The following CD8A variants were observed in gnomAD, a reference collection of about 807,000 sequenced individuals.
CD8A encodes the protein T-cell surface glycoprotein CD8 alpha chain.
CD8A carries 25 observed loss-of-function variants against 24.2 expected under a neutral mutation model. The observed-to-expected ratio is 1.03, with a 90% CI of 0.75 to 1.44. The LOEUF is 1.44. Ranked by LOEUF, CD8A falls within the 40% of genes most tolerant of loss-of-function variation. The probability of loss-of-function intolerance (pLI) is 0.00; values close to 1 mark genes in which losing one functional copy is unlikely to be tolerated. For missense variants in CD8A, 360 were observed against 319.7 expected (o/e 1.13, Z -0.96); for synonymous variants, 165 against 149.9 (o/e 1.10, Z -0.74).
At chr2:86,801,044 G>A (rs1450292022) in intron 3 of CD8A, among the ~76,000 whole-genome samples, 3 of 152,160 alleles carry the variant, frequency 2.0e-5, no homozygotes, top group Admixed American at 6.5e-5. Flanking sequence ...CAACTGACTA[G>A]AAGCTAGGTG....
intron 3 of CD8A, among the ~76,000 whole-genome samples, chr2:86,796,790 A>T: frequency 6.6e-6 from 1 of 152,218 alleles, no homozygotes; most frequent in Admixed American, 6.5e-5. Context: ...AACTCACCAG[A>T]TCACTTATTA....
Position 86,785,764 on chromosome 2 carries a change from A to G in CD8A, c.*156T>C, listed in dbSNP as rs1182889436. The G allele has an allele frequency of 1.3e-6, 1 of 782,614 alleles. No individual in the cohort carries two copies. The allele number at this position is 782,614 out of a possible 1,614,324, so 48.5% of individuals were successfully genotyped here. On this transcript the variant is annotated 3_prime_UTR_variant, in exon 6 of 6. Coordinates refer to ENST00000283635, the MANE Select transcript of CD8A (RefSeq NM_001768.7). ...TAGTTTTGTTTCCCGTCAAACACAT[A>G]AAGAAAAAGTAATCTTTCCCACCCC...
Position 86,785,844 on chromosome 2 carries a change from A to G in CD8A, c.*76T>C, listed in dbSNP as rs535031211. On this transcript the variant is annotated 3_prime_UTR_variant, in exon 6 of 6. Transcript: ENST00000283635. ...GAATACACAGGGAGGAAGACTGGAAAAAATGAAAGGGAAGGACTTGCTCCC... is the reference window on the plus strand; with the variant it reads ...GAATACACAGGGAGGAAGACTGGAAGAAATGAAAGGGAAGGACTTGCTCCC... The G allele has an allele frequency of 2.8e-6, 3 of 1,079,518 alleles. No homozygotes were observed. Among genetic ancestry groups the G allele is most frequent in the Admixed American group, 3.4e-5 (2 of 59,370 alleles). 66.9% of individuals were successfully genotyped at this position (1,079,518 alleles called of 1,614,324 possible).
At chr2:86,788,737 G>A (rs1458166005) in intron 4 of CD8A, among the ~76,000 whole-genome samples, 177 bp from the exon 5 acceptor site, 1 of 152,100 alleles carries the variant, frequency 6.6e-6, no homozygotes, top group African/African-American at 2.4e-5. Context: ...TTGCCTCTAC[G>A]AATTCTCCTT....
intron 2 of CD8A, among the ~76,000 whole-genome samples, chr2:86,789,961 G>A (rs1044356700): frequency 3.9e-5 from 6 of 151,936 alleles, no homozygotes; most frequent in Admixed American, 3.3e-4. Flanking sequence ...GCCCAGAGCC[G>A]GAGCGCAGGA....
At chr2:86,792,743 C>T (rs1290483507), upstream of CD8A, among the ~76,000 whole-genome samples, 10 of 151,824 alleles carry the variant, frequency 6.6e-5, no homozygotes, top group East Asian at 1.9e-4. Flanking sequence ...CGCTTTGCCC[C>T]GCCTTGGCCT....
chr2:86,794,002 C>T (rs972060065), upstream of CD8A, among the ~76,000 whole-genome samples: 50 of 152,128 alleles, frequency 3.3e-4, 1 homozygote, highest in Admixed American at 2.6e-4. Context: ...TTCGATGTGA[C>T]CACAATGACA....
chr2:86,785,395 G>T lies in CD8A; in HGVS notation c.*525C>A, dbSNP rs944309379. 2 of 454,330 alleles carry T rather than the reference G, an allele frequency of 4.4e-6. No homozygotes were observed. Among genetic ancestry groups the T allele is most frequent in the Admixed American group, 2.3e-5 (1 of 42,558 alleles). The allele number at this position is 454,330 out of a possible 1,614,324, so 28.1% of individuals were successfully genotyped here. ...GTATCCCAGGTATCAAGAAGTACTT[G>T]TTCCCTTGCCGTTGGAGACTCAAGC... On this transcript the variant is annotated 3_prime_UTR_variant, in exon 6 of 6. Coordinates refer to ENST00000283635, the MANE Select transcript of CD8A (RefSeq NM_001768.7).
rs1177371651 is a variant in CD8A, at chr2:86,784,790, G to T, written c.*1130C>A. On this transcript the variant is annotated 3_prime_UTR_variant, in exon 6 of 6. Coordinates refer to ENST00000283635, the MANE Select transcript of CD8A (RefSeq NM_001768.7). Reference sequence around the variant, plus strand: ...TTCCTAAGGTGAAGAATTATGAGTGGTTCTTATTTCCTTATCTACTTAAGT... The same window carrying T: ...TTCCTAAGGTGAAGAATTATGAGTGTTTCTTATTTCCTTATCTACTTAAGT... 1 of 454,116 alleles carries T rather than the reference G, an allele frequency of 2.2e-6. No individual in the cohort carries two copies. Among genetic ancestry groups the T allele is most frequent in the Admixed American group, 2.3e-5 (1 of 42,582 alleles). 28.1% of individuals were successfully genotyped at this position (454,116 alleles called of 1,614,324 possible). A position where few individuals can be genotyped will look rare whatever the true frequency, so the allele number is the denominator to read the frequency against.
intron 2 of CD8A, 87 bp downstream of exon 2, chr2:86,790,241 G>GCTTT: frequency 1.0e-6 from 1 of 969,038 alleles, no homozygotes; most frequent in Non-Finnish European, 1.7e-6. Context: ...GCGCTAAGAG[G>GCTTT]CTTGAAAGCA....
At chr2:86,806,235 A>T (rs2104468233) in intron 2 of CD8A, among the ~76,000 whole-genome samples, 1 of 151,410 alleles carries the variant, frequency 6.6e-6, no homozygotes, top group East Asian at 1.9e-4. Context: ...TGGAGGACGC[A>T]GTGATGGAAA....
At chr2:86,797,791 A>G (rs13430105) in intron 3 of CD8A, among the ~76,000 whole-genome samples, 3,554 of 152,312 alleles carry the variant, frequency 0.023, 124 homozygotes, top group East Asian at 0.12. Flanking sequence ...TTTCCTTCAC[A>G]TGAACATTAC....
At chr2:86,788,976 A>C (rs1312143701) in intron 4 of CD8A, among the ~76,000 whole-genome samples, 1 of 152,166 alleles carries the variant, frequency 6.6e-6, no homozygotes, top group African/African-American at 2.4e-5. Flanking sequence ...GGTTTTGACT[A>C]ACCCTCCTGG....
chr2:86,791,402 T>A, upstream of CD8A: 1 of 409,338 alleles, frequency 2.4e-6, no homozygotes, highest in African/African-American at 2.1e-5. Context: ...CCCTCTCCCT[T>A]CCCCCAGGAG....
Position 86,788,564 on chromosome 2 carries a change from G to C in CD8A, c.626-4C>G, listed in dbSNP as rs753976692. The C allele has an allele frequency of 6.2e-7, 1 of 1,612,792 alleles. No individual in the cohort carries two copies. The highest frequency in any genetic ancestry group is 1.7e-5 in the Admixed American group (1 of 59,982). On this transcript the variant is annotated splice_region_variant and splice_polypyrimidine_tract_variant and intron_variant, in intron 4 of 5. Coordinates refer to ENST00000283635, the MANE Select transcript of CD8A (RefSeq NM_001768.7). ...TTGCAAACACGTCTTCGGTTCCCTGGATAAGGAAAAAGAAGGGAAAAAGTG... is the reference window on the plus strand; with the variant it reads ...TTGCAAACACGTCTTCGGTTCCCTGCATAAGGAAAAAGAAGGGAAAAAGTG...
chr2:86,790,712 G>C, intron 1 of CD8A, 31 bp from the exon 2 acceptor site: 1 of 1,553,912 alleles, frequency 6.4e-7, no homozygotes, highest in South Asian at 1.2e-5. Flanking sequence ...GGCTGAGCCC[G>C]CAGTCCCGCG....
intron 3 of CD8A, among the ~76,000 whole-genome samples, chr2:86,796,611 T>C (rs1673492825): frequency 6.6e-6 from 1 of 152,358 alleles, no homozygotes; most frequent in Middle Eastern, 3.4e-3. Context: ...ACATGCTTAC[T>C]GTAAAACTGA....
At chr2:86,801,649 T>C (rs1673677949) in exon 3 of CD8A, 1 of 152,100 alleles carries the variant, frequency 6.6e-6, no homozygotes, top group Admixed American at 6.6e-5. Flanking sequence ...ACCTGGTTCA[T>C]GCTTTTGTCT....
At chr2:86,800,120 GAAAGA>G (rs1673619560) in intron 3 of CD8A, among the ~76,000 whole-genome samples, 1 of 152,034 alleles carries the variant, frequency 6.6e-6, no homozygotes, top group South Asian at 2.1e-4. Context: ...CTTAGAAAAA[GAAAGA>G]AAAGAAAACA....
Sources: allele counts gnomAD v4.1 joint callset (sites outside exome capture counted in the v4.1 genomes callset), GRCh38; gene constraint gnomAD v4.1.1; transcripts MANE v1.5; gene names NCBI Gene and HGNC (gene_info 2026-07-23, HGNC 2026-07-21).